The following COL6A6 variants were observed in gnomAD, a reference collection of about 807,000 sequenced individuals.
COL6A6 encodes collagen type VI alpha 6 chain, also known as collagen alpha-6(VI) chain.
In COL6A6, 183 loss-of-function variants were observed where a neutral mutation model predicts 208.6. That is an observed-to-expected ratio of 0.88 (90% CI 0.78 to 0.99). COL6A6 has a LOEUF of 0.99. Ranked by LOEUF, COL6A6 falls within the 50% of genes least tolerant of loss-of-function variation. COL6A6 has a pLI of 0.00. For missense variants in COL6A6, 2,816 were observed against 2,815.2 expected (o/e 1.00, Z -0.01); for synonymous variants, 973 against 1,011.8 (o/e 0.96, Z 0.73).
intron 36 of COL6A6, among the ~76,000 whole-genome samples, chr3:130,668,926 A>G (rs1576430893): frequency 6.6e-6 from 1 of 152,224 alleles, no homozygotes. Flanking sequence ...GGACAGAAAA[A>G]TTAGACATTC....
At chr3:130,618,981 ATC>A (rs1444972574) in intron 23 of COL6A6, among the ~76,000 whole-genome samples, 1 of 152,188 alleles carries the variant, frequency 6.6e-6, no homozygotes, top group Non-Finnish European at 1.5e-5. Context: ...GACAATTAGA[ATC>A]TCTCTACTTC....
Position 130,662,097 on chromosome 3 carries a change from T to C in COL6A6, c.6291T>C (p.Asp2097=). Residue 2097 remains aspartate (D), a synonymous_variant, in exon 35 of 37, where the codon GAT becomes GAC. Transcript: ENST00000358511. ...CTGCTGGGGAAACCAGCCACTTAGA[T>C]GGGGAAATCTTAAAGAAGGAATCCT... The part of the protein sequence containing the change: ...VISAGETSHL[D]GEILKKESLR... 1.2e-6 allele frequency: 2 copies of C among 1,613,998 alleles called. No homozygotes were observed. Among genetic ancestry groups the C allele is most frequent in the South Asian group, 1.1e-5 (1 of 91,072 alleles).
rs764424837 is a variant in COL6A6 at position 130,599,817 on chromosome 3, G to T, written c.4653+7G>T. Reference sequence around the variant, plus strand: ...AGGCTCCAGAAGAAAGACAGTAAGAGCCCTTCTAGACAAGGAGACCCACTG... The same window carrying T: ...AGGCTCCAGAAGAAAGACAGTAAGATCCCTTCTAGACAAGGAGACCCACTG... On this transcript the variant is annotated splice_region_variant and intron_variant, in intron 20 of 36. Transcript: ENST00000358511. The T allele has an allele frequency of 6.2e-7, 1 of 1,613,548 alleles. No homozygotes were observed. Among genetic ancestry groups the T allele is most frequent in the Non-Finnish European group, 8.5e-7 (1 of 1,179,632 alleles).
intron 1 of COL6A6, among the ~76,000 whole-genome samples, chr3:130,554,004 ACT>A (rs1349519978): frequency 2.0e-5 from 3 of 151,930 alleles, no homozygotes; most frequent in Admixed American, 6.5e-5. Flanking sequence ...GCATGCTCTA[ACT>A]CTGTGGATCT....
intron 36 of COL6A6, among the ~76,000 whole-genome samples, chr3:130,673,381 A>AT (rs1370054103): frequency 1.3e-5 from 2 of 150,864 alleles, no homozygotes; most frequent in Non-Finnish European, 2.9e-5. Flanking sequence ...TAATTTAACA[A>AT]TTTTTTCGTA....
At chr3:130,657,835 C>CA (rs2065834221) in intron 33 of COL6A6, among the ~76,000 whole-genome samples, 1 of 152,168 alleles carries the variant, frequency 6.6e-6, no homozygotes, top group Non-Finnish European at 1.5e-5. Flanking sequence ...TAGCTTAGGA[C>CA]AGGAGAATCA....
In COL6A6 at chr3:130,517,290, ACT is replaced by A. The variant is rs1559938450; in HGVS notation, c.-136_-135del. Among the ~76,000 whole-genome samples, 1 of 152,094 alleles carries A rather than the reference ACT, an allele frequency of 6.6e-6. No individual in the cohort carries two copies. The highest frequency in any genetic ancestry group is 1.5e-5 in the Non-Finnish European group (1 of 68,010). ...CCCCGCGCGCCGCAGGCGGCACCAAACTCTGCGCTCCCCGCGGTGCGCCCTGC... is the reference window on the plus strand; with the variant it reads ...CCCCGCGCGCCGCAGGCGGCACCAAACTGCGCTCCCCGCGGTGCGCCCTGC... On this transcript the variant is annotated 5_prime_UTR_variant, in exon 1 of 37. Coordinates refer to ENST00000358511, the MANE Select transcript of COL6A6 (RefSeq NM_001102608.3).
At chr3:130,669,462 AAAT>A (rs1243594304) in intron 36 of COL6A6, among the ~76,000 whole-genome samples, 18 of 151,804 alleles carry the variant, frequency 1.2e-4, no homozygotes, top group African/African-American at 4.3e-4. Context: ...GGGAATAAAT[AAAT>A]AATGGGACAA....
chr3:130,618,573 C>G (rs1052813887), intron 23 of COL6A6, among the ~76,000 whole-genome samples: 3 of 152,066 alleles, frequency 2.0e-5, no homozygotes, highest in Non-Finnish European at 4.4e-5. Context: ...ATTTTTTTGT[C>G]TTTCTTTTAG....
At chr3:130,549,938 A>C in intron 1 of COL6A6, among the ~76,000 whole-genome samples, 1 of 152,198 alleles carries the variant, frequency 6.6e-6, no homozygotes, top group East Asian at 1.9e-4. Context: ...TGCTAGTTTG[A>C]TAGGAATACC....
chr3:130,598,379 T>G lies in COL6A6; in HGVS notation c.4548T>G (p.Val1516=), dbSNP rs138764111. Residue 1516 remains valine (V), a synonymous_variant, in exon 19 of 37, where the codon GTT becomes GTG. Transcript: ENST00000358511. ...GLRGDPGAPG[V]DSSIEGPTGL... ...TCTATTTTTAGGGAGCTCCTGGAGT[T>G]GACAGTAGCATAGAAGGACCCACAG... The G allele has an allele frequency of 7.8e-6, 12 of 1,548,054 alleles. No individual in the cohort carries two copies. In the East Asian group the frequency reaches 2.9e-4, roughly 38 times the overall value.
At position 130,626,574 on chromosome 3, in the gene COL6A6, C is replaced by T. The variant is rs777899383; in HGVS notation, c.4941+27C>T. The T allele has an allele frequency of 6.1e-5, 95 of 1,561,286 alleles. 1 individual carries two copies. The highest frequency in any genetic ancestry group is 3.3e-4 in the Middle Eastern group (2 of 5,992). ...TTTGTATTTTGACACTAGTTTTGAT[C>T]GGATTCTTGGAATCTTTTAGTTCAG... On this transcript the variant is annotated intron_variant, in intron 25 of 36. Coordinates refer to ENST00000358511, the MANE Select transcript of COL6A6 (RefSeq NM_001102608.3).
At chr3:130,554,560 G>A (rs1048675261) in intron 1 of COL6A6, among the ~76,000 whole-genome samples, 13 of 152,188 alleles carry the variant, frequency 8.5e-5, no homozygotes, top group African/African-American at 2.2e-4. Flanking sequence ...TGTTCATGCA[G>A]ATGGCAGTGG....
intron 23 of COL6A6, among the ~76,000 whole-genome samples, chr3:130,611,572 A>C (rs530520250): frequency 3.7e-4 from 57 of 152,372 alleles, no homozygotes; most frequent in Non-Finnish European, 6.9e-4. Context: ...AGCTCAACAC[A>C]TATTTGAATA....
intron 1 of COL6A6, among the ~76,000 whole-genome samples, chr3:130,559,185 A>G (rs2062827284): frequency 6.6e-6 from 1 of 152,238 alleles, no homozygotes; most frequent in South Asian, 2.1e-4. Context: ...TACAGATGGT[A>G]TGACTTGGTT....
At position 130,627,334 on chromosome 3, in the gene COL6A6, C is replaced by G. The variant is rs1305786616; in HGVS notation, c.4957C>G (p.Pro1653Ala). The G allele has an allele frequency of 1.2e-6, 2 of 1,613,470 alleles. No homozygotes were observed. Among genetic ancestry groups the G allele is most frequent in the Non-Finnish European group, 1.7e-6 (2 of 1,179,600 alleles). The change falls in exon 26 of 37, where the codon CCA becomes GCA. Residue 1653 changes from proline (P) to alanine (A), a missense_variant. Pro to Ala is a conservative substitution (Grantham distance 27). Coordinates refer to ENST00000358511, the MANE Select transcript of COL6A6 (RefSeq NM_001102608.3). ...PRGLQGNDGS[P>A]GYGSVGRKGA... ...CTGTTTACAGGGCAATGATGGCAGTCCAGGTTATGGTAGTGTCGGACGCAA... is the reference window on the plus strand; with the variant it reads ...CTGTTTACAGGGCAATGATGGCAGTGCAGGTTATGGTAGTGTCGGACGCAA...
At chr3:130,549,535 A>G (rs1237223236) in intron 1 of COL6A6, among the ~76,000 whole-genome samples, 2 of 151,610 alleles carry the variant, frequency 1.3e-5, no homozygotes, top group South Asian at 2.1e-4. Context: ...TTTACATTTC[A>G]GTTTTTTAAA....
At position 130,590,293 on chromosome 3, in the gene COL6A6, A is replaced by G. The variant is rs1220792924; in HGVS notation, c.4219-748A>G. Among the ~76,000 whole-genome samples the G allele has an allele frequency of 3.5e-4, 5 of 14,404 alleles. No homozygotes were observed. The East Asian group carries it at 8.8e-3, about 25-fold the overall frequency. 9.4% of individuals were successfully genotyped at this position (14,404 alleles called of 152,430 possible). On this transcript the variant is annotated intron_variant, in intron 12 of 36. Coordinates refer to ENST00000358511, the MANE Select transcript of COL6A6 (RefSeq NM_001102608.3). Reference sequence around the variant, plus strand: ...TATATATATATATATATATATATATATATATATTTTTTTTTTTTTTTTTTT... The same window carrying G: ...TATATATATATATATATATATATATGTATATATTTTTTTTTTTTTTTTTTT...
At chr3:130,533,954 C>A (rs545741371) in intron 1 of COL6A6, among the ~76,000 whole-genome samples, 1 of 152,270 alleles carries the variant, frequency 6.6e-6, no homozygotes, top group African/African-American at 2.4e-5. Flanking sequence ...CCAGTTTAAT[C>A]TTTTTTAACC....
Sources: gnomAD v4.1 joint callset for allele counts (sites outside exome capture counted in the v4.1 genomes callset) on GRCh38, gnomAD v4.1.1 for gene constraint, MANE v1.5 for transcripts, NCBI Gene and HGNC (gene_info 2026-07-23, HGNC 2026-07-21) for gene names.